EPS15L1: variants seen among roughly 807,000 people sequenced by gnomAD.
The protein encoded by EPS15L1 is epidermal growth factor receptor pathway substrate 15 like 1.
A neutral mutation model predicts 117.1 loss-of-function variants in EPS15L1; 43 were observed. The observed-to-expected ratio is 0.37, with a 90% CI of 0.29 to 0.47. The LOEUF (loss-of-function observed/expected upper bound fraction) is 0.47, where lower values mean the gene tolerates loss of function less well. Ranked by LOEUF, EPS15L1 falls within the 20% of genes least tolerant of loss-of-function variation. The pLI, the probability that EPS15L1 is intolerant of heterozygous loss-of-function variation, is 0.99. For synonymous variants in EPS15L1, 459 were observed against 470.5 expected (o/e 0.98, Z 0.32); for missense variants, 981 against 1,164.0 (o/e 0.84, Z 2.29).
At chr19:16,374,889 A>G (rs558453156) in intron 22 of EPS15L1, among the ~76,000 whole-genome samples, 1 of 152,290 alleles carries the variant, frequency 6.6e-6, no homozygotes, top group Non-Finnish European at 1.5e-5. Context: ...GCACGTTTGC[A>G]TGCATGCATT....
In EPS15L1 at chr19:16,368,828, C is replaced by A. The variant is rs10421234; in HGVS notation, c.2381-6844G>T. Among the ~76,000 whole-genome samples, 669 of 152,284 alleles carry A rather than the reference C, an allele frequency of 4.4e-3. 6 individuals carry two copies. The highest frequency in any genetic ancestry group is 0.015 in the African/African-American group (631 of 41,562). ...CTACACAACAGGTGATCCCACACAA[C>A]CACAACTGTCATTCATCCTACACAA... On this transcript the variant is annotated intron_variant, in intron 22 of 23. Coordinates refer to ENST00000455140, the MANE Select transcript of EPS15L1 (RefSeq NM_001258374.3).
intron 7 of EPS15L1, among the ~76,000 whole-genome samples, chr19:16,431,000 A>T (rs1228450745): frequency 6.6e-6 from 1 of 152,144 alleles, no homozygotes; most frequent in East Asian, 1.9e-4. Flanking sequence ...GCACTTTGGG[A>T]GTCCAAGGCA....
At position 16,371,962 on chromosome 19, in the gene EPS15L1, C is replaced by G. The variant is rs1474438937; in HGVS notation, c.2380+5160G>C. Among the ~76,000 whole-genome samples the G allele has an allele frequency of 6.6e-6, 1 of 152,222 alleles. No homozygotes were observed. Among genetic ancestry groups the G allele is most frequent in the South Asian group, 2.1e-4 (1 of 4,834 alleles). On this transcript the variant is annotated intron_variant, in intron 22 of 23. Transcript: ENST00000455140. The surrounding 1 kb of genome is among the most constrained non-coding windows in gnomAD (Gnocchi z 4.7). ...GCAGCCTGCCGGGTCTGTGCTGCAT[C>G]TGCCTGAAAGAAACCAGTTTCTTCT...
intron 13 of EPS15L1, among the ~76,000 whole-genome samples, chr19:16,410,535 C>G (rs74386081): frequency 0.024 from 3,673 of 152,286 alleles, 121 homozygotes; most frequent in Admixed American, 0.086. Flanking sequence ...GGTGTTCACA[C>G]AAAAACTTGC....
At chr19:16,368,425 C>T (rs2092170351) in intron 22 of EPS15L1, among the ~76,000 whole-genome samples, 1 of 152,178 alleles carries the variant, frequency 6.6e-6, no homozygotes, top group Non-Finnish European at 1.5e-5. Flanking sequence ...TCACACAACT[C>T]CCATTCATCC....
At chr19:16,449,671 G>C (rs190020058) in intron 1 of EPS15L1, among the ~76,000 whole-genome samples, 1 of 152,290 alleles carries the variant, frequency 6.6e-6, no homozygotes, top group Admixed American at 6.5e-5. Context: ...GAAATGAAGA[G>C]TCATGTTCAT....
At chr19:16,422,323 C>G (rs1212431143) in intron 9 of EPS15L1, among the ~76,000 whole-genome samples, 1 of 152,194 alleles carries the variant, frequency 6.6e-6, no homozygotes, top group East Asian at 1.9e-4. Flanking sequence ...GTGGCCTACT[C>G]CACCTGCATT....
intron 22 of EPS15L1, among the ~76,000 whole-genome samples, chr19:16,363,975 C>T (rs927074599): frequency 1.3e-5 from 2 of 152,230 alleles, no homozygotes; most frequent in African/African-American, 4.8e-5. Flanking sequence ...CGCCTCTGCC[C>T]GTCCCACAGG....
At chr19:16,418,222 T>A in intron 10 of EPS15L1, 118 bp from the exon 11 acceptor site, 2 of 1,165,680 alleles carry the variant, frequency 1.7e-6, no homozygotes, top group Non-Finnish European at 2.4e-6. Context: ...CAGGGCGTGG[T>A]GGCAAGCCCC....
chr19:16,380,225 C>G (rs896897462), intron 21 of EPS15L1, among the ~76,000 whole-genome samples: 1 of 151,842 alleles, frequency 6.6e-6, no homozygotes, highest in African/African-American at 2.4e-5. Context: ...ACCAAAGCGG[C>G]CATCTAAGGC....
At chr19:16,417,808 T>TC (rs1426119551) in intron 11 of EPS15L1, 140 bp downstream of exon 11, 2 of 1,325,616 alleles carry the variant, frequency 1.5e-6, no homozygotes, top group African/African-American at 2.9e-5. Context: ...CAAGCCACCC[T>TC]CCCGGGGGCC....
At chr19:16,445,970 T>C (rs1005955779) in intron 1 of EPS15L1, among the ~76,000 whole-genome samples, 1 of 152,248 alleles carries the variant, frequency 6.6e-6, no homozygotes, top group Non-Finnish European at 1.5e-5. Flanking sequence ...TCAGTGTAGC[T>C]TTCAGCTCGG....
rs1029410104 is a variant in EPS15L1 at position 16,452,603 on chromosome 19, C to T, written c.34-10384G>A. Among the ~76,000 whole-genome samples the T allele has an allele frequency of 2.8e-4, 42 of 147,748 alleles. 1 individual carries two copies. Among genetic ancestry groups the T allele is most frequent in the African/African-American group, 1.1e-3 (42 of 39,948 alleles). On this transcript the variant is annotated intron_variant, in intron 1 of 23. Transcript: ENST00000455140. ...GGGCCTCTGAATGGCTACTGCACTC[C>T]GGCCTGCACAACATAGCAAAATGTC... is the stretch of plus-strand genomic sequence containing the variant.
intron 1 of EPS15L1, among the ~76,000 whole-genome samples, chr19:16,454,323 T>C (rs748949186): frequency 3.9e-5 from 6 of 152,166 alleles, no homozygotes; most frequent in Non-Finnish European, 8.8e-5. Flanking sequence ...ATCTAGCAGG[T>C]GCAGTGTGTG....
chr19:16,466,989 C>T (rs912248774), intron 1 of EPS15L1, among the ~76,000 whole-genome samples: 7 of 151,558 alleles, frequency 4.6e-5, no homozygotes, highest in African/African-American at 1.5e-4. Flanking sequence ...GCAGGTCAAG[C>T]GAGTCCACAG....
intron 13 of EPS15L1, among the ~76,000 whole-genome samples, chr19:16,408,812 G>A (rs754001572): frequency 6.6e-6 from 1 of 152,168 alleles, no homozygotes. Context: ...CATGAGGAGA[G>A]GCAGATAGGT....
chr19:16,412,898 G>A (rs528889021), intron 13 of EPS15L1: 92 of 625,562 alleles, frequency 1.5e-4, no homozygotes, highest in African/African-American at 1.4e-3. Context: ...AAGCTGGGCC[G>A]CCTGGTCAAG....
rs539455739 is a variant in EPS15L1, at chr19:16,448,549, G to C, written c.34-6330C>G. Among the ~76,000 whole-genome samples, 102 of 144,712 alleles carry C rather than the reference G, an allele frequency of 7.0e-4. 1 individual carries two copies. The highest frequency in any genetic ancestry group is 2.1e-3 in the African/African-American group (81 of 38,524). 94.9% of individuals were successfully genotyped at this position (144,712 alleles called of 152,430 possible). On this transcript the variant is annotated intron_variant, in intron 1 of 23. Transcript: ENST00000455140. ...GCAAAATTCCGTATTAAAAAAAAAG[G>C]GGGGGGGAGAAAGGCCGGGCGCGGT...
intron 12 of EPS15L1, among the ~76,000 whole-genome samples, chr19:16,416,245 G>A (rs183253399): frequency 1.6e-4 from 24 of 152,244 alleles, no homozygotes; most frequent in African/African-American, 5.8e-4. Context: ...TTTCAGCCAA[G>A]TAAACAATCT....
Sources: allele counts gnomAD v4.1 joint callset (sites outside exome capture counted in the v4.1 genomes callset), GRCh38; gene constraint gnomAD v4.1.1; non-coding constraint Gnocchi (gnomAD v3.1); transcripts MANE v1.5; gene names NCBI Gene and HGNC (gene_info 2026-07-23, HGNC 2026-07-21).